The following CDCA5 variants were observed in gnomAD, a reference collection of about 807,000 sequenced individuals.
CDCA5 encodes the protein cell division cycle associated 5.
Under a neutral mutation model 25.7 loss-of-function variants are expected in CDCA5, and 14 were observed. The ratio of observed to expected loss-of-function variants is 0.54; its 90% confidence interval spans 0.36 to 0.85. CDCA5 has a LOEUF of 0.85. CDCA5 is among the 40% of genes least tolerant of loss of function. The pLI is 0.01. For synonymous variants in CDCA5, 127 were observed against 128.7 expected (o/e 0.99, Z 0.09); for missense variants, 307 against 324.5 (o/e 0.95, Z 0.41).
At chr11:65,074,297 TC>T (rs1312246853), downstream of CDCA5, among the ~76,000 whole-genome samples, 2 of 152,172 alleles carry the variant, frequency 1.3e-5, no homozygotes, top group Non-Finnish European at 2.9e-5. Flanking sequence ...GGTCTTGAAC[TC>T]CTGACCTCAA....
chr11:65,071,255 T>A (rs1281221421), intron 1 of CDCA5, among the ~76,000 whole-genome samples: 1 of 151,886 alleles, frequency 6.6e-6, no homozygotes, highest in African/African-American at 2.4e-5. Flanking sequence ...ATTTTGGATT[T>A]TCAACCCACA....
At chr11:65,083,316 T>C in intron 4 of CDCA5, 48 bp downstream of exon 4, 1 of 1,609,780 alleles carries the variant, frequency 6.2e-7, no homozygotes, top group Non-Finnish European at 8.5e-7. Context: ...TGTCCAGCTC[T>C]AGAGTGACCC....
At position 65,078,799 on chromosome 11, in the gene CDCA5, C is replaced by T; in HGVS notation, c.*308G>A. On this transcript the variant is annotated 3_prime_UTR_variant, in exon 6 of 6. Transcript: ENST00000275517. ...TCAGCCCTTTAACTTCTGGCTGGGCCACTGATTCTCCTCCCCAGTCTGTGG... is the reference window on the plus strand; with the variant it reads ...TCAGCCCTTTAACTTCTGGCTGGGCTACTGATTCTCCTCCCCAGTCTGTGG... 1 of 1,119,220 alleles carries T rather than the reference C, an allele frequency of 8.9e-7. No individual in the cohort carries two copies. The highest frequency in any genetic ancestry group is 4.7e-5 in the East Asian group (1 of 21,154). The allele number at this position is 1,119,220 out of a possible 1,614,324, so 69.3% of individuals were successfully genotyped here. A position where few individuals can be genotyped will look rare whatever the true frequency, so the allele number is the denominator to read the frequency against.
intron 1 of CDCA5, among the ~76,000 whole-genome samples, chr11:65,069,169 G>A (rs560320376): frequency 6.7e-6 from 1 of 149,486 alleles, no homozygotes; most frequent in South Asian, 2.1e-4. Context: ...GAGCCTGGAA[G>A]GTTGAGGCTA....
chr11:65,073,694 G>A (rs1387756296), downstream of CDCA5, among the ~76,000 whole-genome samples: 1 of 152,216 alleles, frequency 6.6e-6, no homozygotes, highest in Non-Finnish European at 1.5e-5. Flanking sequence ...GGTGCAAACA[G>A]GAAACAATGT....
At chr11:65,071,314 T>C (rs917717764) in intron 1 of CDCA5, among the ~76,000 whole-genome samples, 1 of 151,180 alleles carries the variant, frequency 6.6e-6, no homozygotes, top group African/African-American at 2.4e-5. Flanking sequence ...TAGAAAACTA[T>C]CTATTATTTC....
At chr11:65,083,109 C>T (rs1489874907) in intron 4 of CDCA5, 6 of 546,288 alleles carry the variant, frequency 1.1e-5, no homozygotes, top group East Asian at 9.2e-5. Flanking sequence ...AAAGGCAGTA[C>T]GTGGAGTTAA....
exon 6 of CDCA5, chr11:65,066,570 G>T (rs764893044): frequency 4.7e-6 from 6 of 1,289,256 alleles, no homozygotes; most frequent in Non-Finnish European, 6.1e-6. Context: ...AGCCACCTCC[G>T]GCAGGGCCTG....
rs1288632821 is a variant in CDCA5 at position 65,083,395 on chromosome 11, G to A, written c.212C>T (p.Pro71Leu). 1.9e-6 allele frequency: 3 copies of A among 1,614,202 alleles called. No individual in the cohort carries two copies. Among genetic ancestry groups the A allele is most frequent in the Non-Finnish European group, 1.7e-6 (2 of 1,180,028 alleles). The stretch of plus-strand genomic sequence containing the variant: ...GCTCCTGCGAGGTGATTGGACAGCT[G>A]GGACCTGCGGGGGACAATACCAATT... ...KRIVAHAVEV[P>L]AVQSPRRSPR... The change falls in exon 4 of 6, where the codon CCA becomes CTA. Residue 71 changes from proline to leucine, a missense_variant. Pro to Leu is a moderately conservative substitution (Grantham distance 98). Coordinates refer to ENST00000275517, the MANE Select transcript of CDCA5 (RefSeq NM_080668.4).
Position 65,083,354 on chromosome 11 carries a change from G to C in CDCA5, c.243+10C>G, listed in dbSNP as rs199992320. The stretch of plus-strand genomic sequence containing the variant: ...ATTCTACTTAATTAAGTAGATGAAA[G>C]TGAACTCACCCTAGGGCTCCTGCGA... On this transcript the variant is annotated intron_variant, in intron 4 of 5. Transcript: ENST00000275517. The C allele has an allele frequency of 1.2e-6, 2 of 1,614,124 alleles. No homozygotes were observed.
chr11:65,066,553 T>C, exon 6 of CDCA5: 1 of 1,289,272 alleles, frequency 7.8e-7, no homozygotes, highest in Non-Finnish European at 1.0e-6. Context: ...CCCGCACACC[T>C]GAGCAGAGCC....
At chr11:65,083,832 G>T in intron 1 of CDCA5, 101 bp downstream of exon 1, 1 of 1,584,542 alleles carries the variant, frequency 6.3e-7, no homozygotes, top group Non-Finnish European at 8.6e-7. Context: ...TTTTAAGGGC[G>T]CCTCCTCCGG....
chr11:65,071,891 T>A (rs1317137860), intron 1 of CDCA5, among the ~76,000 whole-genome samples: 2 of 152,186 alleles, frequency 1.3e-5, no homozygotes, highest in African/African-American at 4.8e-5. Flanking sequence ...TCAGTCCTGC[T>A]CTGCTGCTCA....
At chr11:65,074,108 TTC>T (rs1457058452), downstream of CDCA5, among the ~76,000 whole-genome samples, 1 of 152,206 alleles carries the variant, frequency 6.6e-6, no homozygotes. Flanking sequence ...CAGCAGAGGT[TTC>T]TGTTTCGGCT....
rs1947634487 is a variant in CDCA5, at chr11:65,083,944, GCGGCTC to G, written c.29_34del (p.Gly10_Ala11del). 1 of 1,609,224 alleles carries G rather than the reference GCGGCTC, an allele frequency of 6.2e-7. No homozygotes were observed. ...CGCCCTCCGCTCACCGGAGCGCTGA[GCGGCTC>G]CTCCGGACCGCGTTCGCCTCCCAGA... On this transcript the variant is annotated inframe_deletion, in exon 1 of 6. Coordinates refer to ENST00000275517, the MANE Select transcript of CDCA5 (RefSeq NM_080668.4).
intron 4 of CDCA5, 73 bp from the exon 5 acceptor site, chr11:65,079,860 A>G: frequency 8.3e-7 from 1 of 1,198,568 alleles, no homozygotes; most frequent in South Asian, 2.2e-5. Flanking sequence ...GCCCGAGAAG[A>G]TTCAGGGTGG....
At chr11:65,074,564 G>C (rs1947402933), downstream of CDCA5, among the ~76,000 whole-genome samples, 1 of 151,848 alleles carries the variant, frequency 6.6e-6, no homozygotes, top group South Asian at 2.1e-4. Context: ...TTACACTCAG[G>C]TGTGAAATTG....
chr11:65,072,900 T>C (rs960311334), downstream of CDCA5, among the ~76,000 whole-genome samples: 3 of 151,974 alleles, frequency 2.0e-5, no homozygotes, highest in East Asian at 1.9e-4. Context: ...CATTGAGCAC[T>C]TACCATGCAC....
chr11:65,080,411 C>T (rs1402201135), intron 4 of CDCA5, among the ~76,000 whole-genome samples: 4 of 152,046 alleles, frequency 2.6e-5, no homozygotes, highest in South Asian at 2.1e-4. Context: ...AGCTCAGCAA[C>T]GTTTTTTGTT....
Sources: allele counts gnomAD v4.1 joint callset (sites outside exome capture counted in the v4.1 genomes callset), GRCh38; gene constraint gnomAD v4.1.1; transcripts MANE v1.5; gene names NCBI Gene and HGNC (gene_info 2026-07-23, HGNC 2026-07-21).